HERC6: variants seen among roughly 807,000 people sequenced by gnomAD.
The protein encoded by HERC6 is probable E3 ubiquitin-protein ligase HERC6.
A neutral mutation model predicts 114.5 loss-of-function variants in HERC6; 101 were observed. The ratio of observed to expected loss-of-function variants is 0.88; its 90% CI spans 0.75 to 1.04. The LOEUF is 1.04. Among genes scored for constraint, HERC6 ranks in the 50% least tolerant of loss-of-function variants. The pLI is 0.00. For synonymous variants in HERC6, 408 were observed against 436.2 expected (o/e 0.94, Z 0.81); for missense variants, 1,133 against 1,230.9 (o/e 0.92, Z 1.19).
intron 20 of HERC6, among the ~76,000 whole-genome samples, chr4:88,439,521 G>A (rs1217178776): frequency 6.6e-6 from 1 of 152,038 alleles, no homozygotes; most frequent in African/African-American, 2.4e-5. Context: ...CTAGGCTTGG[G>A]AAGGCCTGTT....
chr4:88,422,496 A>G (rs989828490), intron 13 of HERC6, among the ~76,000 whole-genome samples: 1 of 152,190 alleles, frequency 6.6e-6, no homozygotes, highest in Non-Finnish European at 1.5e-5. Context: ...TAGATCATGA[A>G]TGGATACTGA....
chr4:88,429,443 C>G (rs559190257), intron 16 of HERC6, among the ~76,000 whole-genome samples: 33 of 152,328 alleles, frequency 2.2e-4, no homozygotes, highest in Non-Finnish European at 4.1e-4. Flanking sequence ...CATGTTGGCT[C>G]TAGTTTCATC....
chr4:88,403,344 T>G (rs188121587), intron 8 of HERC6, among the ~76,000 whole-genome samples: 5 of 152,324 alleles, frequency 3.3e-5, no homozygotes, highest in Admixed American at 3.3e-4. Flanking sequence ...CATTACAATT[T>G]GAGAGTTACT....
intron 16 of HERC6, among the ~76,000 whole-genome samples, chr4:88,430,848 G>T (rs1336538696): frequency 6.6e-6 from 1 of 152,154 alleles, no homozygotes; most frequent in Non-Finnish European, 1.5e-5. Flanking sequence ...GGGCCCACGG[G>T]TTTGAAGAAC....
At chr4:88,382,434 A>G (rs1347875855) in intron 1 of HERC6, among the ~76,000 whole-genome samples, 1 of 152,126 alleles carries the variant, frequency 6.6e-6, no homozygotes, top group African/African-American at 2.4e-5. Context: ...CTTCTGAGCA[A>G]GGGATTCACT....
chr4:88,426,768 G>A (rs1334811397), intron 15 of HERC6, among the ~76,000 whole-genome samples: 2 of 152,138 alleles, frequency 1.3e-5, no homozygotes, highest in African/African-American at 2.4e-5. Flanking sequence ...GAGCCACCAC[G>A]CCCGGACTAG....
chr4:88,416,504 A>G, intron 12 of HERC6, among the ~76,000 whole-genome samples: 1 of 152,060 alleles, frequency 6.6e-6, no homozygotes, highest in East Asian at 1.9e-4. Flanking sequence ...ATTTTAATGT[A>G]GCCTACTATA....
chr4:88,403,712 C>G (rs1375602416), intron 8 of HERC6, among the ~76,000 whole-genome samples: 1 of 151,906 alleles, frequency 6.6e-6, no homozygotes, highest in African/African-American at 2.4e-5. Context: ...CAAGATCATG[C>G]CACTGCACTC....
intron 17 of HERC6, among the ~76,000 whole-genome samples, chr4:88,431,568 T>A (rs756282573): frequency 5.9e-5 from 9 of 152,166 alleles, no homozygotes; most frequent in Non-Finnish European, 1.2e-4. Flanking sequence ...CACATGCACG[T>A]TACATTTTTA....
intron 9 of HERC6, 102 bp downstream of exon 9, chr4:88,405,099 C>T: frequency 1.4e-6 from 2 of 1,399,924 alleles, no homozygotes; most frequent in Middle Eastern, 2.1e-4. Context: ...AAGGTATTTG[C>T]ATTTTGACCA....
At chr4:88,379,487 T>C (rs897825351) in intron 1 of HERC6, among the ~76,000 whole-genome samples, 4 of 151,362 alleles carry the variant, frequency 2.6e-5, no homozygotes, top group African/African-American at 4.9e-5. Flanking sequence ...TGGAAAGAGA[T>C]GTGGTCCCTC....
Position 88,393,585 on chromosome 4 carries a change from A to T in HERC6, c.759+3A>T. The stretch of plus-strand genomic sequence containing the variant: ...CACACACTGCGGTGCTTACCCAGGT[A>T]ATCCAAAACGTGTTGCTATTTTTTT... On this transcript the variant is annotated splice_donor_region_variant and intron_variant, in intron 5 of 22. Coordinates refer to ENST00000264346, the MANE Select transcript of HERC6 (RefSeq NM_017912.4). 1 of 1,593,414 alleles carries T rather than the reference A, an allele frequency of 6.3e-7. No individual in the cohort carries two copies. Among genetic ancestry groups the T allele is most frequent in the Non-Finnish European group, 8.6e-7 (1 of 1,162,994 alleles).
intron 11 of HERC6, among the ~76,000 whole-genome samples, 162 bp from the exon 12 acceptor site, chr4:88,412,915 T>C (rs1736199598): frequency 6.6e-6 from 1 of 152,182 alleles, no homozygotes; most frequent in South Asian, 2.1e-4. Flanking sequence ...GTATTTGGGA[T>C]GGAAGGAGTG....
At chr4:88,389,090 C>G (rs1734754782) in intron 3 of HERC6, among the ~76,000 whole-genome samples, 1 of 151,984 alleles carries the variant, frequency 6.6e-6, no homozygotes, top group Non-Finnish European at 1.5e-5. Context: ...TGAGCAGAAA[C>G]CAAATGAAAA....
At position 88,423,958 on chromosome 4, in the gene HERC6, T is replaced by C; in HGVS notation, c.1812T>C (p.Phe604=). 1 of 1,486,106 alleles carries C rather than the reference T, an allele frequency of 6.7e-7. No homozygotes were observed. The highest frequency in any genetic ancestry group is 9.1e-7 in the Non-Finnish European group (1 of 1,093,110). 92.1% of individuals were successfully genotyped at this position (1,486,106 alleles called of 1,614,324 possible). ...NFYIDRGRQL[F]RDNHLIPAET... Reference sequence around the variant, plus strand: ...ATATAGATAGAGGAAGACAGCTCTTTCGGGATAACCACCTGGTAAGAATAA... The same window carrying C: ...ATATAGATAGAGGAAGACAGCTCTTCCGGGATAACCACCTGGTAAGAATAA... The change falls in exon 14 of 23, where the codon TTT becomes TTC. Residue 604 remains phenylalanine (F), a synonymous_variant. Coordinates refer to ENST00000264346, the MANE Select transcript of HERC6 (RefSeq NM_017912.4).
At chr4:88,435,259 C>T (rs1366379393) in intron 17 of HERC6, among the ~76,000 whole-genome samples, 1 of 152,032 alleles carries the variant, frequency 6.6e-6, no homozygotes, top group Non-Finnish European at 1.5e-5. Flanking sequence ...CTCCCTGACC[C>T]ATATGCTCAT....
intron 11 of HERC6, among the ~76,000 whole-genome samples, chr4:88,412,640 C>G (rs1451230145): frequency 1.3e-5 from 2 of 152,128 alleles, no homozygotes; most frequent in Admixed American, 1.3e-4. Context: ...AAATTTAGAG[C>G]TATTTTTCTC....
chr4:88,391,706 C>T (rs1410027556), intron 4 of HERC6, among the ~76,000 whole-genome samples: 1 of 152,166 alleles, frequency 6.6e-6, no homozygotes, highest in African/African-American at 2.4e-5. Flanking sequence ...GGTCAAACAA[C>T]CAGTTCCTCT....
chr4:88,393,930 G>A (rs1054741192), intron 5 of HERC6, among the ~76,000 whole-genome samples: 3 of 152,110 alleles, frequency 2.0e-5, no homozygotes, highest in African/African-American at 7.2e-5. Flanking sequence ...CTGCCTTCAT[G>A]ACCTAATCAT....
Sources: gnomAD v4.1 joint callset for allele counts (sites outside exome capture counted in the v4.1 genomes callset) on GRCh38, gnomAD v4.1.1 for gene constraint, MANE v1.5 for transcripts, NCBI Gene and HGNC (gene_info 2026-07-23, HGNC 2026-07-21) for gene names.